AHCYL2: variants seen among roughly 807,000 people sequenced by gnomAD.
AHCYL2 encodes S-adenosylhomocysteine hydrolase-like protein 2.
In AHCYL2, 28 loss-of-function variants were observed where a neutral mutation model predicts 81.4. That is an observed-to-expected ratio of 0.34 (90% CI 0.25 to 0.47). AHCYL2 has a LOEUF of 0.47. Among genes scored for constraint, AHCYL2 ranks in the 20% least tolerant of loss-of-function variants. The probability of loss-of-function intolerance (pLI) is 1.00; values close to 1 mark genes in which losing one functional copy is unlikely to be tolerated. For missense variants in AHCYL2, 551 were observed against 785.1 expected, an observed-to-expected ratio of 0.70 and a Z score of 3.56; for synonymous variants, 272 against 290.2, an observed-to-expected ratio of 0.94 and a Z score of 0.64.
intron 1 of AHCYL2, chr7:129,375,597 G>A (rs1794642409): frequency 7.6e-7 from 1 of 1,307,226 alleles, no homozygotes; most frequent in South Asian, 2.1e-5. Context: ...GTAATTAGGT[G>A]TTTAGGAAAA....
chr7:129,292,344 C>T (rs1584751262), intron 1 of AHCYL2, among the ~76,000 whole-genome samples: 1 of 152,330 alleles, frequency 6.6e-6, no homozygotes, highest in East Asian at 1.9e-4. Flanking sequence ...TAATAATCAG[C>T]AGTTGTCACA....
intron 7 of AHCYL2, among the ~76,000 whole-genome samples, chr7:129,404,542 G>T (rs913519229): frequency 6.6e-6 from 1 of 152,178 alleles, no homozygotes; most frequent in Non-Finnish European, 1.5e-5. Flanking sequence ...GAGTGTGGTG[G>T]CGGGCGCCTA....
intron 12 of AHCYL2, among the ~76,000 whole-genome samples, chr7:129,415,841 C>T (rs1417027046): frequency 6.6e-6 from 1 of 151,910 alleles, no homozygotes; most frequent in Admixed American, 6.6e-5. Flanking sequence ...ACCTGTAGTA[C>T]CAGCCTGGCC....
chr7:129,357,670 C>G (rs1328142046), intron 1 of AHCYL2, among the ~76,000 whole-genome samples: 1 of 152,194 alleles, frequency 6.6e-6, no homozygotes, highest in Non-Finnish European at 1.5e-5. Context: ...CGCAGTGGCT[C>G]ACGCCTGTAA....
At chr7:129,409,852 AT>A (rs71162602) in intron 11 of AHCYL2, among the ~76,000 whole-genome samples, 11 of 150,486 alleles carry the variant, frequency 7.3e-5, no homozygotes, top group African/African-American at 2.2e-4. Flanking sequence ...GAAGCCAGAT[AT>A]TTTTTTTTTC....
rs890630047 is a variant in AHCYL2, at chr7:129,419,008, G to A, written c.1462-3832G>A. 3.3e-5 allele frequency among the ~76,000 whole-genome samples: 5 copies of A among 152,184 alleles called. No homozygotes were observed. The highest frequency in any genetic ancestry group is 1.9e-4 in the East Asian group (1 of 5,192). On this transcript the variant is annotated intron_variant, in intron 12 of 16. Coordinates refer to ENST00000325006, the MANE Select transcript of AHCYL2 (RefSeq NM_015328.4). The surrounding 1 kb of genome is among the most constrained non-coding windows in gnomAD (Gnocchi z 4.7). The stretch of plus-strand genomic sequence containing the variant: ...GTGGGAGAATGATTTGGTAAGTATC[G>A]AGATATTTTTAGTAATCAAAATTTT...
chr7:129,308,242 G>A (rs1797515319), intron 1 of AHCYL2, among the ~76,000 whole-genome samples: 1 of 152,164 alleles, frequency 6.6e-6, no homozygotes, highest in Non-Finnish European at 1.5e-5. Flanking sequence ...GCCCATGGTA[G>A]CAGGCCTTAT....
At chr7:129,274,846 G>A (rs1156565512) in intron 1 of AHCYL2, among the ~76,000 whole-genome samples, 14 of 152,068 alleles carry the variant, frequency 9.2e-5, no homozygotes, top group Non-Finnish European at 1.8e-4. Flanking sequence ...GAATAATCCA[G>A]CCCTAGCAGA....
At chr7:129,329,553 A>G (rs879918679) in intron 1 of AHCYL2, among the ~76,000 whole-genome samples, 1 of 152,184 alleles carries the variant, frequency 6.6e-6, no homozygotes, top group African/African-American at 2.4e-5. Flanking sequence ...ATGAATATGG[A>G]TGTGATATTA....
At chr7:129,225,736 C>G (rs942244465) in intron 1 of AHCYL2, among the ~76,000 whole-genome samples, 1 of 152,098 alleles carries the variant, frequency 6.6e-6, no homozygotes, top group East Asian at 1.9e-4. Flanking sequence ...GTCCCGCGGC[C>G]CCAACACGCT....
In AHCYL2 at chr7:129,368,232, G is replaced by C. The variant is rs1050444553; in HGVS notation, c.364-11406G>C. 4.5e-6 allele frequency: 6 copies of C among 1,334,690 alleles called. No homozygotes were observed. The highest frequency in any genetic ancestry group is 5.8e-6 in the Non-Finnish European group (6 of 1,041,328). 82.7% of individuals were successfully genotyped at this position (1,334,690 alleles called of 1,614,324 possible). ...TGCCCTGTGAGAAGCACAGTGCCTG[G>C]GTGCAGCACTTTGCATCAGCTCTGA... On this transcript the variant is annotated intron_variant, in intron 1 of 16. Transcript: ENST00000325006. The surrounding 1 kb of genome is among the most constrained non-coding windows in gnomAD (Gnocchi z 4.4).
At chr7:129,336,333 A>G (rs1473283938) in intron 1 of AHCYL2, among the ~76,000 whole-genome samples, 2 of 151,742 alleles carry the variant, frequency 1.3e-5, no homozygotes, top group African/African-American at 4.8e-5. Flanking sequence ...CTCCCAAAGT[A>G]CTGGGATTAC....
chr7:129,239,531 C>G lies in AHCYL2; in HGVS notation c.363+14092C>G, dbSNP rs1262296983. Among the ~76,000 whole-genome samples the G allele has an allele frequency of 2.0e-5, 3 of 151,578 alleles. No individual in the cohort carries two copies. The East Asian group carries it at 5.8e-4, about 29-fold the overall frequency. On this transcript the variant is annotated intron_variant, in intron 1 of 16. Coordinates refer to ENST00000325006, the MANE Select transcript of AHCYL2 (RefSeq NM_015328.4). ...GTGTGATCATAGTTCACTGCAGCCT[C>G]AAACTGCTGGGCTCAAGCAGTCCTC...
intron 2 of AHCYL2, among the ~76,000 whole-genome samples, chr7:129,380,428 T>G (rs1169411936): frequency 6.6e-6 from 1 of 152,216 alleles, no homozygotes; most frequent in Non-Finnish European, 1.5e-5. Context: ...TGTGTTGGGA[T>G]GTGATAGGGA....
intron 1 of AHCYL2, among the ~76,000 whole-genome samples, chr7:129,294,447 T>C (rs1796985169): frequency 6.9e-6 from 1 of 145,630 alleles, no homozygotes; most frequent in South Asian, 2.4e-4. Flanking sequence ...CCTGTTAGTA[T>C]TAGGAATTTG....
chr7:129,376,052 A>G (rs2150875518), intron 1 of AHCYL2: 3 of 1,229,912 alleles, frequency 2.4e-6, no homozygotes, highest in Non-Finnish European at 3.4e-6. Context: ...AAGGTGAGCT[A>G]CCCCTCTTTT....
chr7:129,228,438 C>T (rs890600729), intron 1 of AHCYL2, among the ~76,000 whole-genome samples: 1 of 152,132 alleles, frequency 6.6e-6, no homozygotes, highest in Non-Finnish European at 1.5e-5. Context: ...CTGTAACTTG[C>T]GATGCTCTGG....
chr7:129,371,058 C>T (rs1794387136), intron 1 of AHCYL2, among the ~76,000 whole-genome samples: 1 of 152,186 alleles, frequency 6.6e-6, no homozygotes, highest in Non-Finnish European at 1.5e-5. Flanking sequence ...GATGGATTTC[C>T]AGACCTTACT....
At chr7:129,317,166 A>C (rs765852693) in intron 1 of AHCYL2, among the ~76,000 whole-genome samples, 37 of 152,304 alleles carry the variant, frequency 2.4e-4, no homozygotes, top group Non-Finnish European at 3.8e-4. Flanking sequence ...AGATTTTTTT[A>C]AAAAGCTTAT....
Sources: allele counts gnomAD v4.1 joint callset (sites outside exome capture counted in the v4.1 genomes callset), GRCh38; gene constraint gnomAD v4.1.1; non-coding constraint Gnocchi (gnomAD v3.1); transcripts MANE v1.5; gene names NCBI Gene and HGNC (gene_info 2026-07-23, HGNC 2026-07-21).